OLFM3: variants seen among roughly 807,000 people sequenced by gnomAD.
OLFM3 encodes olfactomedin 3, also known as noelin-3.
Under a neutral mutation model 48.6 loss-of-function variants are expected in OLFM3, and 20 were observed. The ratio of observed to expected loss-of-function variants is 0.41; its 90% confidence interval spans 0.29 to 0.60. OLFM3 has a LOEUF of 0.60. Among genes scored for constraint, OLFM3 ranks in the 20% least tolerant of loss-of-function variants. The pLI is 0.28. For missense variants in OLFM3, 437 were observed against 544.3 expected (o/e 0.80, Z 1.96); for synonymous variants, 222 against 198.1 (o/e 1.12, Z -1.01).
intron 1 of OLFM3, among the ~76,000 whole-genome samples, chr1:101,966,558 A>G (rs1013420452): frequency 2.0e-5 from 3 of 152,200 alleles, no homozygotes. Context: ...CTGATTGATA[A>G]GTATCCACTT....
chr1:101,909,294 C>T (rs559648618), intron 1 of OLFM3, among the ~76,000 whole-genome samples: 10 of 152,242 alleles, frequency 6.6e-5, no homozygotes, highest in Non-Finnish European at 1.5e-4. Flanking sequence ...TTCCTCAAGA[C>T]ATTCAAATGC....
At chr1:101,906,592 T>G (rs2101023597) in intron 1 of OLFM3, among the ~76,000 whole-genome samples, 1 of 152,258 alleles carries the variant, frequency 6.6e-6, no homozygotes, top group Non-Finnish European at 1.5e-5. Context: ...TCTGTCATAT[T>G]TGAAAACAAA....
intron 1 of OLFM3, among the ~76,000 whole-genome samples, chr1:101,979,668 C>A (rs1661051712): frequency 1.3e-5 from 2 of 152,154 alleles, no homozygotes; most frequent in Admixed American, 6.5e-5. Context: ...AGGAGTGGAA[C>A]CCTCATGGAA....
At chr1:101,845,681 T>C (rs371091131) in intron 1 of OLFM3, among the ~76,000 whole-genome samples, 4 of 152,320 alleles carry the variant, frequency 2.6e-5, no homozygotes, top group South Asian at 4.1e-4. Context: ...GGCCACTTCA[T>C]GCAGGTAGGG....
chr1:101,991,688 G>A (rs1336972822), intron 1 of OLFM3, among the ~76,000 whole-genome samples: 2 of 150,342 alleles, frequency 1.3e-5, no homozygotes, highest in Admixed American at 6.7e-5. Context: ...ACTTATGGCT[G>A]AAGTAGGAAA....
intron 1 of OLFM3, among the ~76,000 whole-genome samples, chr1:101,976,918 A>G (rs902358629): frequency 1.3e-5 from 2 of 152,204 alleles, no homozygotes; most frequent in Non-Finnish European, 2.9e-5. Context: ...ATATTTTACT[A>G]GAAGTGATAC....
chr1:101,948,701 T>C (rs966533108), intron 1 of OLFM3, among the ~76,000 whole-genome samples: 7 of 151,986 alleles, frequency 4.6e-5, no homozygotes, highest in African/African-American at 1.7e-4. Flanking sequence ...AATTGGGTAC[T>C]AAAAGAACTG....
chr1:101,976,178 A>T (rs980420779), intron 1 of OLFM3, among the ~76,000 whole-genome samples: 3 of 152,238 alleles, frequency 2.0e-5, no homozygotes, highest in Non-Finnish European at 2.9e-5. Context: ...GAGTAAATTT[A>T]CCAAATATAT....
At chr1:101,849,489 G>C (rs1656140804) in intron 1 of OLFM3, among the ~76,000 whole-genome samples, 1 of 152,174 alleles carries the variant, frequency 6.6e-6, no homozygotes, top group Admixed American at 6.5e-5. Context: ...AAAGTGTTTG[G>C]ACTTTATCTT....
chr1:101,818,237 CT>C (rs1654429539), intron 4 of OLFM3, among the ~76,000 whole-genome samples: 1 of 151,968 alleles, frequency 6.6e-6, no homozygotes, highest in African/African-American at 2.4e-5. Context: ...TCCTACTTGA[CT>C]TTGGAAATAC....
At chr1:101,874,103 A>G (rs1657197346) in intron 1 of OLFM3, among the ~76,000 whole-genome samples, 1 of 151,912 alleles carries the variant, frequency 6.6e-6, no homozygotes, top group African/African-American at 2.4e-5. Context: ...CTAATTCTAT[A>G]AGTTGGAAAA....
At chr1:101,883,946 T>A (rs1293414340) in intron 1 of OLFM3, among the ~76,000 whole-genome samples, 2 of 152,042 alleles carry the variant, frequency 1.3e-5, no homozygotes, top group East Asian at 1.9e-4. Context: ...CTTTTTTTTT[T>A]AATCCTGGTC....
At chr1:101,908,717 C>T (rs574911691) in intron 1 of OLFM3, among the ~76,000 whole-genome samples, 1 of 152,168 alleles carries the variant, frequency 6.6e-6, no homozygotes, top group South Asian at 2.1e-4. Context: ...GGCCCTAAAT[C>T]CAGTGATAAA....
At chr1:101,959,938 G>T (rs1249270580) in intron 1 of OLFM3, among the ~76,000 whole-genome samples, 1 of 152,116 alleles carries the variant, frequency 6.6e-6, no homozygotes, top group South Asian at 2.1e-4. Context: ...AATAATCTGT[G>T]TAAGAATGCC....
chr1:101,822,854 C>A (rs1654674940), intron 4 of OLFM3, among the ~76,000 whole-genome samples: 2 of 150,058 alleles, frequency 1.3e-5, no homozygotes, highest in South Asian at 4.2e-4. Context: ...ATAAACTCCA[C>A]AACTTGAATT....
intron 1 of OLFM3, among the ~76,000 whole-genome samples, chr1:101,971,296 G>A (rs1660797507): frequency 6.6e-6 from 1 of 152,190 alleles, no homozygotes. Context: ...GTGATTGCTT[G>A]AATGTGGAAG....
chr1:101,855,160 A>T (rs1218518496), intron 1 of OLFM3, among the ~76,000 whole-genome samples: 1 of 152,106 alleles, frequency 6.6e-6, no homozygotes, highest in Non-Finnish European at 1.5e-5. Flanking sequence ...GAAAGTATAT[A>T]AAATGTGCCT....
intron 1 of OLFM3, among the ~76,000 whole-genome samples, chr1:101,885,855 A>G (rs982804561): frequency 5.3e-5 from 8 of 152,104 alleles, no homozygotes; most frequent in African/African-American, 1.9e-4. Flanking sequence ...TACATCTTCC[A>G]GTCAACAGCA....
intron 1 of OLFM3, among the ~76,000 whole-genome samples, chr1:101,938,210 G>A (rs1372418108): frequency 6.6e-6 from 1 of 151,910 alleles, no homozygotes; most frequent in East Asian, 1.9e-4. Flanking sequence ...AAACAAATAG[G>A]GCCCACTATT....
Sources: allele counts gnomAD v4.1 joint callset (sites outside exome capture counted in the v4.1 genomes callset), GRCh38; gene constraint gnomAD v4.1.1; transcripts MANE v1.5; gene names NCBI Gene and HGNC (gene_info 2026-07-23, HGNC 2026-07-21).